Variants in ACHE observed in about 807,000 individuals in gnomAD.
ACHE encodes acetylcholinesterase (Yt blood group), also known as acetylcholinesterase.
ACHE carries 19 observed loss-of-function variants against 53.9 expected under a neutral mutation model. That is an observed-to-expected ratio of 0.35 (90% CI 0.25 to 0.52). The LOEUF is 0.52. ACHE is among the 20% of genes least tolerant of loss of function. The pLI is 0.95. For synonymous variants in ACHE, 392 were observed against 378.1 expected (o/e 1.04, Z -0.43); for missense variants, 605 against 849.4 (o/e 0.71, Z 3.58).
At chr7:100,896,317 T>A (rs1230313180), upstream of ACHE, 7 of 153,602 alleles carry the variant, frequency 4.6e-5, no homozygotes, top group African/African-American at 1.5e-4. Context: ...GGGTCATGCA[T>A]CCCCGGCCAC....
rs1377811924 is a variant in ACHE at position 100,890,080 on chromosome 7, C to A, written c.*134G>T. 1.8e-6 allele frequency: 2 copies of A among 1,137,816 alleles called. No individual in the cohort carries two copies. Among genetic ancestry groups the A allele is most frequent in the African/African-American group, 1.5e-5 (1 of 65,206 alleles). 70.5% of individuals were successfully genotyped at this position (1,137,816 alleles called of 1,614,324 possible). On this transcript the variant is annotated 3_prime_UTR_variant, in exon 5 of 5. Coordinates refer to ENST00000241069, the MANE Select transcript of ACHE (RefSeq NM_000665.5). ...CCTGAGACATGCAGAGGACCGGGAG[C>A]CCCGGGGGACGTCGGGGTGGGGTGG...
In ACHE at chr7:100,892,393, T is replaced by C. The variant is rs1203499962; in HGVS notation, c.1494A>G (p.Ala498=). 4.0e-6 allele frequency: 6 copies of C among 1,516,392 alleles called. No homozygotes were observed. In the East Asian group the frequency reaches 1.1e-4, roughly 29 times the overall value. 93.9% of individuals were successfully genotyped at this position (1,516,392 alleles called of 1,614,324 possible). ...GTCGCTGGGCGAAGATTTTCTCCTC[T>C]GCCGTGTAGTTTCGAGAGGGGTCCA... ...IPLDPSRNYT[A]EEKIFAQRLM... is the part of the protein sequence containing the mutation. Residue 498 remains alanine, a synonymous_variant, in exon 3 of 5, where the codon GCA becomes GCG. Transcript: ENST00000241069. This position sits in a 1 kb window ranked among gnomAD's most constrained non-coding sequence, Gnocchi z 5.2.
intron 1 of ACHE, 128 bp from the exon 2 acceptor site, chr7:100,894,380 A>T: frequency 7.9e-6 from 4 of 503,812 alleles, no homozygotes; most frequent in Non-Finnish European, 1.3e-5. Flanking sequence ...GGCAAAGATG[A>T]GGGGAGAGAG....
At chr7:100,890,385 G>T in intron 4 of ACHE, 50 bp from the exon 5 acceptor site, 2 of 1,580,020 alleles carry the variant, frequency 1.3e-6, no homozygotes, top group Non-Finnish European at 1.7e-6. Flanking sequence ...GCACGAGGAA[G>T]GTCGGGGATC....
At position 100,894,087 on chromosome 7, in the gene ACHE, C is replaced by T. The variant is rs780673908; in HGVS notation, c.146G>A (p.Arg49Gln). 5.5e-5 allele frequency: 84 copies of T among 1,531,636 alleles called. No individual in the cohort carries two copies. The highest frequency in any genetic ancestry group is 4.8e-4 in the South Asian group (38 of 79,604). 94.9% of individuals were successfully genotyped at this position (1,531,636 alleles called of 1,614,324 possible). A position where few individuals can be genotyped will look rare whatever the true frequency, so the allele number is the denominator to read the frequency against. The change falls in exon 2 of 5, where the codon CGG (arginine) becomes CAG (glutamine). Residue 49 changes from arginine to glutamine, a missense_variant. Arg to Gln is a conservative substitution (Grantham distance 43, BLOSUM62 1). Coordinates refer to ENST00000241069, the MANE Select transcript of ACHE (RefSeq NM_000665.5). ...LLVTVRGGRL[R>Q]GIRLKTPGGP... is the part of the protein sequence containing the mutation. ...CCCGGGGGTCTTCAGGCGAATGCCCCGCAGCCGGCCCCCACGCACCGTCAC... is the reference window on the plus strand; with the variant it reads ...CCCGGGGGTCTTCAGGCGAATGCCCTGCAGCCGGCCCCCACGCACCGTCAC...
intron 3 of ACHE, among the ~76,000 whole-genome samples, chr7:100,891,805 T>C (rs923009526): frequency 2.0e-4 from 30 of 146,866 alleles, no homozygotes; most frequent in South Asian, 8.8e-4. Flanking sequence ...TTTTTTTTTT[T>C]CCAGAGATAG....
At position 100,890,953 on chromosome 7, in the gene ACHE, C is replaced by G. The variant is rs564380667; in HGVS notation, c.1723+216G>C. On this transcript the variant is annotated intron_variant, in intron 4 of 4. Transcript: ENST00000241069. ...CCCCTGTGGCCGTAGGGGAAGAGGC[C>G]GTGTTCACAGCCGCCGGAGGTGGGA... 123 of 1,471,016 alleles carry G rather than the reference C, an allele frequency of 8.4e-5. No individual in the cohort carries two copies. In the South Asian group the frequency reaches 1.6e-3, roughly 20 times the overall value. The allele number at this position is 1,471,016 out of a possible 1,614,324, so 91.1% of individuals were successfully genotyped here. A position where few individuals can be genotyped will look rare whatever the true frequency, so the allele number is the denominator to read the frequency against.
rs982170816 is a variant in ACHE at position 100,895,854 on chromosome 7, C to G, written c.-73G>C. ...GGCCGCGCCGGGAGCTGGAGGCGGC[C>G]GATGTTCCCCGGCGCAGGCTGAGCC... is the stretch of plus-strand genomic sequence containing the variant. On this transcript the variant is annotated 5_prime_UTR_variant, in exon 1 of 5. Coordinates refer to ENST00000241069, the MANE Select transcript of ACHE (RefSeq NM_000665.5). 14 of 152,062 alleles carry G rather than the reference C, an allele frequency of 9.2e-5. No homozygotes were observed. Among genetic ancestry groups the G allele is most frequent in the Non-Finnish European group, 1.8e-4 (12 of 68,026 alleles). The allele number at this position is 152,062 out of a possible 1,614,324, so 9.4% of individuals were successfully genotyped here.
intron 4 of ACHE, 160 bp downstream of exon 4, chr7:100,891,009 G>T: frequency 6.9e-7 from 1 of 1,457,656 alleles, no homozygotes; most frequent in East Asian, 2.5e-5. Context: ...GGTGGAGGAG[G>T]AGGAGGGGCA....
rs1790868074 is a variant in ACHE, at chr7:100,894,023, C to T, written c.210G>A (p.Glu70=). The part of the protein sequence containing the change: ...VSAFLGIPFA[E]PPMGPRRFLP... Reference sequence around the variant, plus strand: ...GAAAGCGACGGGGTCCCATGGGTGGCTCCGCAAAGGGGATGCCCAGGAAAG... The same window carrying T: ...GAAAGCGACGGGGTCCCATGGGTGGTTCCGCAAAGGGGATGCCCAGGAAAG... The change falls in exon 2 of 5, where the codon GAG becomes GAA. Residue 70 remains glutamate (E), a synonymous_variant. Coordinates refer to ENST00000241069, the MANE Select transcript of ACHE (RefSeq NM_000665.5). The T allele has an allele frequency of 1.2e-6, 2 of 1,609,194 alleles. No homozygotes were observed. Among genetic ancestry groups the T allele is most frequent in the Admixed American group, 1.7e-5 (1 of 59,032 alleles).
At chr7:100,893,143 A>T in intron 2 of ACHE, 22 bp downstream of exon 2, 1 of 1,609,998 alleles carries the variant, frequency 6.2e-7, no homozygotes, top group Non-Finnish European at 8.5e-7. Context: ...AGCCAGCTTC[A>T]CGCCAGCTAG....
chr7:100,895,230 C>T (rs1790976186), intron 1 of ACHE, among the ~76,000 whole-genome samples: 1 of 152,220 alleles, frequency 6.6e-6, no homozygotes. Context: ...CCGGTCACTC[C>T]TAGCCCAGCC....
At position 100,891,338 on chromosome 7, in the gene ACHE, C is replaced by T. The variant is rs773254333; in HGVS notation, c.1554G>A (p.Gly518=). 3.9e-6 allele frequency: 6 copies of T among 1,543,074 alleles called. No homozygotes were observed. Among genetic ancestry groups the T allele is most frequent in the Non-Finnish European group, 5.2e-6 (6 of 1,148,702 alleles). The part of the protein sequence containing the change: ...MRYWANFART[G]DPNEPRDPKA... ...TGGGGTCTCGGGGCTCATTGGGATC[C>T]CTGCGGAAGGAAGGGAAGGCTCAGT... The change falls in exon 4 of 5, where the codon GGG becomes GGA. Residue 518 remains glycine, a splice_region_variant and synonymous_variant. Transcript: ENST00000241069.
In ACHE at chr7:100,892,678, G is replaced by T. The variant is rs758098245; in HGVS notation, c.1209C>A (p.Asp403Glu). 1.2e-6 allele frequency: 2 copies of T among 1,613,528 alleles called. No individual in the cohort carries two copies. The highest frequency in any genetic ancestry group is 1.1e-5 in the South Asian group (1 of 91,056). The part of the protein sequence containing the change: ...GVRVGVPQVS[D>E]LAAEAVVLHY... ...GCAGGACCACAGCCTCGGCTGCCAG[G>T]TCACTTACCTGGGGAACCCCGACCC... The change falls in exon 3 of 5, where the codon GAC becomes GAA. Residue 403 changes from aspartate (D) to glutamate (E), a missense_variant. Asp to Glu is a conservative substitution (Grantham distance 45). This residue lies in a region of ACHE where 397 missense variants were observed against 632.5 expected (regional missense o/e 0.63). Transcript: ENST00000241069. The surrounding 1 kb of genome is among the most constrained non-coding windows in gnomAD (Gnocchi z 5.2).
chr7:100,894,398 G>C, intron 1 of ACHE, 146 bp from the exon 2 acceptor site: 1 of 505,822 alleles, frequency 2.0e-6, no homozygotes, highest in Non-Finnish European at 3.4e-6. Context: ...GAGGGAGGGA[G>C]GGAAGGAGAC....
chr7:100,891,351 G>C lies in ACHE; in HGVS notation c.1554-13C>G, dbSNP rs758972517. ...CTCATTGGGATCCCTGCGGAAGGAA[G>C]GGAAGGCTCAGTCCAGACGGGCAGT... On this transcript the variant is annotated splice_polypyrimidine_tract_variant and intron_variant, in intron 3 of 4. Coordinates refer to ENST00000241069, the MANE Select transcript of ACHE (RefSeq NM_000665.5). The C allele has an allele frequency of 8.5e-6, 13 of 1,532,304 alleles. No individual in the cohort carries two copies. The highest frequency in any genetic ancestry group is 1.2e-5 in the South Asian group (1 of 82,330). 94.9% of individuals were successfully genotyped at this position (1,532,304 alleles called of 1,614,324 possible). A position where few individuals can be genotyped will look rare whatever the true frequency, so the allele number is the denominator to read the frequency against.
chr7:100,892,839 G>C lies in ACHE; in HGVS notation c.1069-21C>G. ...AGCACCTGGGGGTGAGGGAGAGGGG[G>C]GTGGGATGGAGCGACAGGCACAGAC... is the stretch of plus-strand genomic sequence containing the variant. On this transcript the variant is annotated intron_variant, in intron 2 of 4. Coordinates refer to ENST00000241069, the MANE Select transcript of ACHE (RefSeq NM_000665.5). The surrounding 1 kb of genome is among the most constrained non-coding windows in gnomAD (Gnocchi z 5.2). The C allele has an allele frequency of 6.4e-7, 1 of 1,551,506 alleles. No homozygotes were observed. Among genetic ancestry groups the C allele is most frequent in the South Asian group, 1.2e-5 (1 of 85,788 alleles).
rs577019712 is a variant in ACHE at position 100,890,739 on chromosome 7, G to C, written c.1724-404C>G. ...GGTTCCAAAAGATAATTTTATAAAA[G>C]AATACTGGCTTTTCCATTTCCATTC... On this transcript the variant is annotated intron_variant, in intron 4 of 4. Coordinates refer to ENST00000241069, the MANE Select transcript of ACHE (RefSeq NM_000665.5). The C allele has an allele frequency of 6.0e-6, 8 of 1,341,254 alleles. 1 individual carries two copies. In the Admixed American group the frequency reaches 2.5e-4, roughly 42 times the overall value. The allele number at this position is 1,341,254 out of a possible 1,614,324, so 83.1% of individuals were successfully genotyped here. A position where few individuals can be genotyped will look rare whatever the true frequency, so the allele number is the denominator to read the frequency against.
Position 100,894,089 on chromosome 7 carries a change from C to A in ACHE, c.144G>T (p.Leu48=), listed in dbSNP as rs747566417. The change falls in exon 2 of 5, where the codon CTG becomes CTT. Residue 48 remains leucine (L), a synonymous_variant. Transcript: ENST00000241069. The part of the protein sequence containing the change: ...ELLVTVRGGR[L]RGIRLKTPGG... ...CGGGGGTCTTCAGGCGAATGCCCCG[C>A]AGCCGGCCCCCACGCACCGTCACCA... 4.8e-5 allele frequency: 73 copies of A among 1,531,744 alleles called. No individual in the cohort carries two copies. The highest frequency in any genetic ancestry group is 3.0e-5 in the Non-Finnish European group (34 of 1,140,454). The allele number at this position is 1,531,744 out of a possible 1,614,324, so 94.9% of individuals were successfully genotyped here.
Sources: gnomAD v4.1 joint callset for allele counts (sites outside exome capture counted in the v4.1 genomes callset) on GRCh38, gnomAD v4.1.1 for gene constraint, gnomAD v4.1.1 regional missense constraint, Gnocchi (gnomAD v3.1) non-coding constraint, MANE v1.5 for transcripts, NCBI Gene and HGNC (gene_info 2026-07-23, HGNC 2026-07-21) for gene names.